Variants in NOVA2 observed in about 807,000 individuals in gnomAD.
NOVA2 encodes RNA-binding protein Nova-2.
NOVA2 carries 9 observed loss-of-function variants against 22.5 expected under a neutral mutation model. That is an observed-to-expected ratio of 0.40 (90% CI 0.24 to 0.70). NOVA2 has a LOEUF of 0.70. Among genes scored for constraint, NOVA2 ranks in the 30% least tolerant of loss-of-function variants. The pLI is 0.38. For missense variants in NOVA2, 383 were observed against 682.8 expected (o/e 0.56, Z 4.89); for synonymous variants, 318 against 335.2 (o/e 0.95, Z 0.56).
At chr19:45,945,301 C>T (rs1046275688) in intron 3 of NOVA2, among the ~76,000 whole-genome samples, 2 of 148,394 alleles carry the variant, frequency 1.3e-5, no homozygotes, top group Non-Finnish European at 3.0e-5. Flanking sequence ...GACCCTGCCT[C>T]TAAAAAAAGA....
chr19:45,934,502 C>A lies in NOVA2; in HGVS notation c.*5361G>T, dbSNP rs1967631239. The stretch of plus-strand genomic sequence containing the variant: ...TGCACCCCATCCCTCTAGAGTAATA[C>A]TGATAGCTTGAAATCCTTAGCGATG... On this transcript the variant is annotated 3_prime_UTR_variant, in exon 4 of 4. Transcript: ENST00000263257. The A allele has an allele frequency of 6.6e-6, 1 of 152,138 alleles. No homozygotes were observed. Among genetic ancestry groups the A allele is most frequent in the African/African-American group, 2.4e-5 (1 of 41,430 alleles). 9.4% of individuals were successfully genotyped at this position (152,138 alleles called of 1,614,324 possible).
intron 1 of NOVA2, chr19:45,967,998 A>G (rs1968188155): frequency 1.3e-5 from 2 of 151,928 alleles, no homozygotes; most frequent in Non-Finnish European, 2.9e-5. Flanking sequence ...ATAAATAACA[A>G]TTGCCTACCC....
rs1210264361 is a variant in NOVA2 at position 45,939,193 on chromosome 19, C to T, written c.*670G>A. 6.6e-6 allele frequency: 1 copy of T among 152,468 alleles called. No homozygotes were observed. The highest frequency in any genetic ancestry group is 6.5e-5 in the Admixed American group (1 of 15,308). The allele number at this position is 152,468 out of a possible 1,614,324, so 9.4% of individuals were successfully genotyped here. The stretch of plus-strand genomic sequence containing the variant: ...GCAGCACTGTCCCTGCCCCCCCATA[C>T]AACCTGACAACAAAAGAGTGAACAT... On this transcript the variant is annotated 3_prime_UTR_variant, in exon 4 of 4. Transcript: ENST00000263257.
intron 1 of NOVA2, among the ~76,000 whole-genome samples, chr19:45,966,692 A>T (rs1040708601): frequency 6.6e-6 from 1 of 152,146 alleles, no homozygotes; most frequent in Non-Finnish European, 1.5e-5. Flanking sequence ...AGCCTGACCA[A>T]CATGGTAAAA....
At position 45,940,239 on chromosome 19, in the gene NOVA2, G is replaced by A; in HGVS notation, c.1103C>T (p.Ala368Val). 2 of 1,090,028 alleles carry A rather than the reference G, an allele frequency of 1.8e-6. No homozygotes were observed. The highest frequency in any genetic ancestry group is 2.2e-6 in the Non-Finnish European group (2 of 901,526). 67.5% of individuals were successfully genotyped at this position (1,090,028 alleles called of 1,614,324 possible). A position where few individuals can be genotyped will look rare whatever the true frequency, so the allele number is the denominator to read the frequency against. Residue 368 changes from alanine to valine, a missense_variant, in exon 4 of 4, where the codon GCC (alanine) becomes GTC (valine). By Grantham distance (64) the Ala-to-Val change is moderately conservative. Transcript: ENST00000263257. ...LAAAANGYLG[A>V]GAGGGAGGGG... is the part of the protein sequence containing the mutation. ...TCCGCCCGCCCCGCCGCCCGCCCCGGCCCCGAGGTAGCCGTTGGCGGCTGC... is the reference window on the plus strand; with the variant it reads ...TCCGCCCGCCCCGCCGCCCGCCCCGACCCCGAGGTAGCCGTTGGCGGCTGC...
intron 1 of NOVA2, among the ~76,000 whole-genome samples, chr19:45,968,139 T>C (rs562354125): frequency 4.5e-4 from 69 of 152,114 alleles, no homozygotes; most frequent in African/African-American, 1.6e-3. Flanking sequence ...GTTGAGGTGT[T>C]GTTTTTGGTG....
At position 45,958,471 on chromosome 19, in the gene NOVA2, T is replaced by C. The variant is rs1054962071; in HGVS notation, c.229+2539A>G. 3.3e-5 allele frequency among the ~76,000 whole-genome samples: 5 copies of C among 150,636 alleles called. No individual in the cohort carries two copies. The East Asian group carries it at 9.9e-4, about 30-fold the overall frequency. On this transcript the variant is annotated intron_variant, in intron 2 of 3. Coordinates refer to ENST00000263257, the MANE Select transcript of NOVA2 (RefSeq NM_002516.4). ...GACAATGTGTGTGTAAGCGTGTGTGTGAGTGGGATGTGTGTGAATGAGTGT... is the reference window on the plus strand; with the variant it reads ...GACAATGTGTGTGTAAGCGTGTGTGCGAGTGGGATGTGTGTGAATGAGTGT...
At position 45,973,359 on chromosome 19, in the gene NOVA2, G is replaced by C. The variant is rs772765609; in HGVS notation, c.-8C>G. 9.7e-7 allele frequency: 1 copy of C among 1,030,424 alleles called. No individual in the cohort carries two copies. The highest frequency in any genetic ancestry group is 1.2e-6 in the Non-Finnish European group (1 of 806,118). 63.8% of individuals were successfully genotyped at this position (1,030,424 alleles called of 1,614,324 possible). ...CGGGGCCTCGGGCTCCATGGGGGGG[G>C]CCTGGGGCGGCGGCTGCTGCTGCTG... On this transcript the variant is annotated 5_prime_UTR_variant, in exon 1 of 4. Transcript: ENST00000263257.
At chr19:45,941,318 AT>A (rs1320841047) in intron 3 of NOVA2, among the ~76,000 whole-genome samples, 1 of 149,402 alleles carries the variant, frequency 6.7e-6, no homozygotes, top group Non-Finnish European at 1.5e-5. Context: ...TAATATATAT[AT>A]ATATATATAT....
intron 3 of NOVA2, among the ~76,000 whole-genome samples, chr19:45,948,617 G>GA (rs1178480822): frequency 1.4e-5 from 2 of 141,468 alleles, no homozygotes; most frequent in Admixed American, 7.0e-5. Flanking sequence ...AAAAAAAAAA[G>GA]AAAAAAGAAA....
chr19:45,961,809 G>C (rs748631509), intron 1 of NOVA2, among the ~76,000 whole-genome samples: 1 of 152,200 alleles, frequency 6.6e-6, no homozygotes, highest in Non-Finnish European at 1.5e-5. Context: ...GAACTATTAT[G>C]ATCATCAGGA....
At chr19:45,947,470 G>GT (rs5828256) in intron 3 of NOVA2, among the ~76,000 whole-genome samples, 101,035 of 147,226 alleles carry the variant, frequency 0.69, 34,828 homozygotes, top group East Asian at 0.79. Context: ...AAGCACCCTA[G>GT]TTTTTTTTTT....
Position 45,938,960 on chromosome 19 carries a change from T to C in NOVA2, c.*903A>G, listed in dbSNP as rs1353768971. The C allele has an allele frequency of 6.6e-6, 1 of 152,242 alleles. No homozygotes were observed. The highest frequency in any genetic ancestry group is 2.4e-5 in the African/African-American group (1 of 41,452). The allele number at this position is 152,242 out of a possible 1,614,324, so 9.4% of individuals were successfully genotyped here. A position where few individuals can be genotyped will look rare whatever the true frequency, so the allele number is the denominator to read the frequency against. ...ATCACAGGAAGTACCTGCTCCCTTA[T>C]GTTCACAGGAAGTAACCTCTGAGGA... On this transcript the variant is annotated 3_prime_UTR_variant, in exon 4 of 4. Coordinates refer to ENST00000263257, the MANE Select transcript of NOVA2 (RefSeq NM_002516.4).
chr19:45,966,320 G>A (rs934721761), intron 1 of NOVA2, among the ~76,000 whole-genome samples: 4 of 152,038 alleles, frequency 2.6e-5, no homozygotes, highest in African/African-American at 9.7e-5. Context: ...TCCTTCCTGA[G>A]CACCCATGAC....
chr19:45,954,664 G>A (rs915664336), intron 2 of NOVA2, among the ~76,000 whole-genome samples: 5 of 152,040 alleles, frequency 3.3e-5, no homozygotes, highest in Non-Finnish European at 5.9e-5. Flanking sequence ...AACTGGGGAG[G>A]GAGGGTCTTT....
chr19:45,964,307 G>A (rs558077263), intron 1 of NOVA2, among the ~76,000 whole-genome samples: 99 of 150,704 alleles, frequency 6.6e-4, no homozygotes, highest in African/African-American at 2.3e-3. Context: ...AGCCTGCGGA[G>A]TAGCTGGGAT....
At chr19:45,952,200 G>T (rs948693629) in intron 3 of NOVA2, among the ~76,000 whole-genome samples, 3 of 152,110 alleles carry the variant, frequency 2.0e-5, no homozygotes, top group Admixed American at 6.6e-5. Flanking sequence ...CATTTTTGGG[G>T]CTAACTTTCT....
chr19:45,940,319 C>T lies in NOVA2; in HGVS notation c.1023G>A (p.Gly341=), dbSNP rs866223031. The T allele has an allele frequency of 3.9e-4, 452 of 1,163,724 alleles. 5 individuals carry two copies. The African/African-American group carries it at 6.7e-3, about 17-fold the overall frequency. 72.1% of individuals were successfully genotyped at this position (1,163,724 alleles called of 1,614,324 possible). A position where few individuals can be genotyped will look rare whatever the true frequency, so the allele number is the denominator to read the frequency against. Residue 341 remains glycine (G), a synonymous_variant, in exon 4 of 4, where the codon GGG becomes GGA. Transcript: ENST00000263257. ...AGEAGAGPAG[G]AAPPPPPPPG... is the part of the protein sequence containing the mutation. Reference sequence around the variant, plus strand: ...GAGGCGGGGGCGGCGGCGGGGCGGCCCCTCCGGCTGGCCCGGCCCCGGCCT... The same window carrying T: ...GAGGCGGGGGCGGCGGCGGGGCGGCTCCTCCGGCTGGCCCGGCCCCGGCCT...
rs201792477 is a variant in NOVA2 at position 45,946,777 on chromosome 19, C to T, written c.397-5832G>A. Reference sequence around the variant, plus strand: ...GTTCCAGCTACTTGGGAGGCTGAGACAGGAGAATTGCTTGAACCTGGGAGG... The same window carrying T: ...GTTCCAGCTACTTGGGAGGCTGAGATAGGAGAATTGCTTGAACCTGGGAGG... On this transcript the variant is annotated intron_variant, in intron 3 of 3. Transcript: ENST00000263257. Among the ~76,000 whole-genome samples the T allele has an allele frequency of 2.6e-5, 4 of 151,070 alleles. No homozygotes were observed. In the East Asian group the frequency reaches 7.8e-4, roughly 30 times the overall value.
Sources: allele counts gnomAD v4.1 joint callset (sites outside exome capture counted in the v4.1 genomes callset), GRCh38; gene constraint gnomAD v4.1.1; transcripts MANE v1.5; gene names NCBI Gene and HGNC (gene_info 2026-07-23, HGNC 2026-07-21).